CCDC33: variants seen among roughly 807,000 people sequenced by gnomAD.
The protein encoded by CCDC33 is coiled-coil domain-containing protein 33.
Under a neutral mutation model 91.9 loss-of-function variants are expected in CCDC33, and 94 were observed. The ratio of observed to expected loss-of-function variants is 1.02; its 90% CI spans 0.87 to 1.21. The LOEUF (loss-of-function observed/expected upper bound fraction) is 1.21, where lower values mean the gene tolerates loss of function less well. Among genes scored for constraint, CCDC33 ranks in the 50% most tolerant of loss-of-function variants. The pLI, the probability that CCDC33 is intolerant of heterozygous loss-of-function variation, is 0.00. For missense variants in CCDC33, 940 were observed against 935.5 expected, an observed-to-expected ratio of 1.00 and a Z score of -0.06; for synonymous variants, 396 against 374.5, an observed-to-expected ratio of 1.06 and a Z score of -0.66.
chr15:74,319,056 G>C (rs1251628566), intron 11 of CCDC33, among the ~76,000 whole-genome samples: 1 of 152,244 alleles, frequency 6.6e-6, no homozygotes, highest in Non-Finnish European at 1.5e-5. Context: ...GTGGTGCCGA[G>C]CTGTGAGGAG....
intron 16 of CCDC33, chr15:74,333,254 T>A (rs779430859): frequency 1.2e-6 from 2 of 1,603,096 alleles, no homozygotes; most frequent in South Asian, 2.3e-5. Flanking sequence ...AGGAGGAGAC[T>A]TGACAGAGAG....
At chr15:74,247,145 CA>C (rs60850915) in intron 2 of CCDC33, among the ~76,000 whole-genome samples, 59 of 139,688 alleles carry the variant, frequency 4.2e-4, no homozygotes, top group South Asian at 4.5e-4. Context: ...ACTCCCATCT[CA>C]AAAAAAAAAA....
At chr15:74,311,859 A>G (rs2059999484) in intron 11 of CCDC33, 4 of 152,218 alleles carry the variant, frequency 2.6e-5, no homozygotes, top group African/African-American at 9.7e-5. Context: ...GTGTTCACAC[A>G]CTTTACAGAG....
intron 10 of CCDC33, among the ~76,000 whole-genome samples, chr15:74,291,529 A>G (rs528995709): frequency 6.6e-6 from 1 of 152,374 alleles, no homozygotes; most frequent in East Asian, 1.9e-4. Flanking sequence ...AGAATTTGTC[A>G]GTTTCCGCTT....
intron 2 of CCDC33, among the ~76,000 whole-genome samples, chr15:74,222,655 T>C (rs535624668): frequency 1.6e-4 from 25 of 151,804 alleles, no homozygotes; most frequent in Admixed American, 6.6e-4. Flanking sequence ...GCCTGTGGAT[T>C]CTGATTGTGA....
In CCDC33 at chr15:74,290,645, C is replaced by G. The variant is rs76701528; in HGVS notation, c.1096-5109C>G. Reference sequence around the variant, plus strand: ...AAGGGTGCTTCAGGCAAAGGGACCCCCATGTGCAAAGGCATGGAGGCATGA... The same window carrying G: ...AAGGGTGCTTCAGGCAAAGGGACCCGCATGTGCAAAGGCATGGAGGCATGA... On this transcript the variant is annotated intron_variant, in intron 10 of 18. Transcript: ENST00000398814. 4.8e-4 allele frequency among the ~76,000 whole-genome samples: 73 copies of G among 152,242 alleles called. No homozygotes were observed. The East Asian group carries it at 0.011, about 23-fold the overall frequency.
intron 10 of CCDC33, among the ~76,000 whole-genome samples, chr15:74,294,165 G>T (rs1403770426): frequency 6.6e-6 from 1 of 152,150 alleles, no homozygotes; most frequent in Non-Finnish European, 1.5e-5. Context: ...CATCTGTACT[G>T]GTTGGCAGTG....
chr15:74,218,393 T>C lies in CCDC33; in HGVS notation c.311-104T>C. 1 of 1,153,196 alleles carries C rather than the reference T, an allele frequency of 8.7e-7. No individual in the cohort carries two copies. Among genetic ancestry groups the C allele is most frequent in the South Asian group, 1.5e-5 (1 of 64,682 alleles). 71.4% of individuals were successfully genotyped at this position (1,153,196 alleles called of 1,614,324 possible). ...AAGACTGCTTGGCTTTGACTCAAAG[T>C]CTGGGCAGCCCAGGTTTCCCCAGGG... On this transcript the variant is annotated intron_variant, in intron 1 of 2. Coordinates refer to the CCDC33 transcript ENST00000635913. This position sits in a 1 kb window ranked among gnomAD's most constrained non-coding sequence, Gnocchi z 4.8.
chr15:74,264,632 C>T (rs755008077), intron 3 of CCDC33, among the ~76,000 whole-genome samples: 11 of 152,148 alleles, frequency 7.2e-5, no homozygotes, highest in Non-Finnish European at 1.6e-4. Flanking sequence ...GGTGCTTTGG[C>T]TGGGAGCACT....
intron 2 of CCDC33, among the ~76,000 whole-genome samples, chr15:74,222,997 C>A (rs1165064086): frequency 6.6e-6 from 1 of 151,922 alleles, no homozygotes; most frequent in Non-Finnish European, 1.5e-5. Flanking sequence ...GCCCTGGAGA[C>A]TGGAATGGTT....
intron 10 of CCDC33, among the ~76,000 whole-genome samples, chr15:74,290,150 T>C (rs1351367281): frequency 2.0e-5 from 3 of 151,402 alleles, no homozygotes. Flanking sequence ...CCAAGGTCAT[T>C]CATTCATTAA....
chr15:74,331,425 G>A, intron 15 of CCDC33, 129 bp downstream of exon 15: 1 of 921,012 alleles, frequency 1.1e-6, no homozygotes, highest in Non-Finnish European at 1.6e-6. Flanking sequence ...ATGTCTGTGG[G>A]CCTGGGAGAC....
rs142719409 is a variant in CCDC33, at chr15:74,222,567, C to CT, written c.675+3713dup. Among the ~76,000 whole-genome samples the CT allele has an allele frequency of 4.8e-5, 7 of 146,562 alleles. No homozygotes were observed. The South Asian group carries it at 1.1e-3, about 23-fold the overall frequency. ...TTTTAATTCCTTCCGTTTAAAACAC[C>CT]TTTTTTTCCCCCAAGGGGAAAAAAA... On this transcript the variant is annotated intron_variant, in intron 2 of 2. Coordinates refer to the CCDC33 transcript ENST00000635913.
chr15:74,237,209 G>C (rs1415760114), intron 1 of CCDC33, among the ~76,000 whole-genome samples: 2 of 152,238 alleles, frequency 1.3e-5, no homozygotes, highest in Non-Finnish European at 2.9e-5. Flanking sequence ...TGAAGAGAAG[G>C]GATTTTTGTG....
At chr15:74,221,261 G>A in intron 2 of CCDC33, 1 of 423,930 alleles carries the variant, frequency 2.4e-6, no homozygotes, top group Non-Finnish European at 3.0e-6. Context: ...ACTGATGATG[G>A]TCATGGGGGG....
At chr15:74,234,348 G>T (rs2075078524), upstream of CCDC33, among the ~76,000 whole-genome samples, 2 of 152,250 alleles carry the variant, frequency 1.3e-5, no homozygotes, top group Non-Finnish European at 2.9e-5. Context: ...ATCACAGCTT[G>T]GGGCTGGCCC....
chr15:74,236,886 G>C, intron 1 of CCDC33, 146 bp downstream of exon 1: 1 of 767,836 alleles, frequency 1.3e-6, no homozygotes, highest in Non-Finnish European at 2.1e-6. Flanking sequence ...TGGGGAGTGA[G>C]GTGGTCTCTG....
At chr15:74,295,645 C>A in intron 10 of CCDC33, 109 bp from the exon 11 acceptor site, 2 of 916,748 alleles carry the variant, frequency 2.2e-6, no homozygotes, top group Non-Finnish European at 3.3e-6. Context: ...CCATGCAGGG[C>A]CTCCTGAGCC....
intron 3 of CCDC33, among the ~76,000 whole-genome samples, chr15:74,263,666 T>C (rs958010479): frequency 2.1e-4 from 32 of 152,242 alleles, no homozygotes; most frequent in Non-Finnish European, 4.6e-4. Context: ...CAGAGGCACA[T>C]GCGTGCCTGT....
Sources: allele counts gnomAD v4.1 joint callset (sites outside exome capture counted in the v4.1 genomes callset), GRCh38; gene constraint gnomAD v4.1.1; non-coding constraint Gnocchi (gnomAD v3.1); transcripts MANE v1.5; gene names NCBI Gene and HGNC (gene_info 2026-07-23, HGNC 2026-07-21).